Variants in KCNMA1 observed in about 807,000 individuals in gnomAD.
KCNMA1 encodes potassium calcium-activated channel subfamily M alpha 1.
In KCNMA1, 29 loss-of-function variants were observed where a neutral mutation model predicts 140.0. That is an observed-to-expected ratio of 0.21 (90% CI 0.15 to 0.28). The LOEUF (loss-of-function observed/expected upper bound fraction) is 0.28. Among genes scored for constraint, KCNMA1 ranks in the 10% least tolerant of loss-of-function variants. The pLI, the probability that KCNMA1 is intolerant of heterozygous loss-of-function variation, is 1.00. For synonymous variants in KCNMA1, 612 were observed against 611.9 expected, an observed-to-expected ratio of 1.00 and a Z score of 0.00; for missense variants, 880 against 1,602.2, an observed-to-expected ratio of 0.55 and a Z score of 7.70.
intron 1 of KCNMA1, among the ~76,000 whole-genome samples, chr10:77,516,190 AC>A (rs994881431): frequency 7.1e-5 from 10 of 140,920 alleles, no homozygotes; most frequent in Non-Finnish European, 1.5e-4. Context: ...CCCACAGCCC[AC>A]CCCCCTACTC....
intron 20 of KCNMA1, among the ~76,000 whole-genome samples, chr10:76,968,046 G>C (rs960335878): frequency 6.6e-6 from 1 of 151,974 alleles, no homozygotes; most frequent in Non-Finnish European, 1.5e-5. Flanking sequence ...AACCATACTT[G>C]ATACGATATA....
chr10:77,325,036 T>G (rs2083657201), intron 2 of KCNMA1, among the ~76,000 whole-genome samples: 1 of 151,050 alleles, frequency 6.6e-6, no homozygotes, highest in South Asian at 2.1e-4. Flanking sequence ...TGAGATTGAT[T>G]TTTTATTTTG....
chr10:76,907,321 C>T (rs1371845207), intron 25 of KCNMA1, among the ~76,000 whole-genome samples: 1 of 152,184 alleles, frequency 6.6e-6, no homozygotes, highest in Non-Finnish European at 1.5e-5. Flanking sequence ...TTTCCAAGAA[C>T]TGACTACCTA....
intron 1 of KCNMA1, among the ~76,000 whole-genome samples, chr10:77,471,362 AAC>A (rs1196205202): frequency 6.6e-6 from 1 of 151,456 alleles, no homozygotes; most frequent in African/African-American, 2.4e-5. Context: ...CATGTAACAC[AAC>A]ACACACTACT....
intron 3 of KCNMA1, among the ~76,000 whole-genome samples, chr10:77,221,744 C>CA (rs2049755342): frequency 6.6e-6 from 1 of 152,106 alleles, no homozygotes; most frequent in Non-Finnish European, 1.5e-5. Flanking sequence ...CCTGCCCACC[C>CA]AAGAGGTCCA....
At chr10:77,439,874 C>T (rs962549790) in intron 1 of KCNMA1, among the ~76,000 whole-genome samples, 3 of 152,206 alleles carry the variant, frequency 2.0e-5, no homozygotes, top group Non-Finnish European at 2.9e-5. Flanking sequence ...AATGGTCCTC[C>T]TGGAGTCCTG....
chr10:77,414,074 A>G (rs2096680416), intron 1 of KCNMA1, among the ~76,000 whole-genome samples: 1 of 152,180 alleles, frequency 6.6e-6, no homozygotes, highest in Admixed American at 6.5e-5. Context: ...CATGGTAGAA[A>G]AAGGCCAGGT....
At chr10:77,617,953 C>G (rs1047216027) in intron 1 of KCNMA1, among the ~76,000 whole-genome samples, 1 of 152,136 alleles carries the variant, frequency 6.6e-6, no homozygotes, top group African/African-American at 2.4e-5. Flanking sequence ...GGGTGCAGTG[C>G]TACATTTCCC....
At chr10:77,303,298 C>T (rs1243200535) in intron 2 of KCNMA1, among the ~76,000 whole-genome samples, 1 of 151,996 alleles carries the variant, frequency 6.6e-6, no homozygotes, top group East Asian at 1.9e-4. Context: ...TCTTGTTCTT[C>T]TCTCCTCTCC....
At chr10:76,891,004 T>C (rs2039801311) in intron 26 of KCNMA1, among the ~76,000 whole-genome samples, 1 of 152,220 alleles carries the variant, frequency 6.6e-6, no homozygotes. Context: ...CTGGGTCCTA[T>C]TCACATATAA....
intron 5 of KCNMA1, among the ~76,000 whole-genome samples, chr10:77,142,214 A>G (rs2098190700): frequency 6.6e-6 from 1 of 151,654 alleles, no homozygotes; most frequent in Admixed American, 6.6e-5. Flanking sequence ...AAAAAATACA[A>G]AAAAAAATTA....
chr10:77,447,609 C>A (rs921319051), intron 1 of KCNMA1, among the ~76,000 whole-genome samples: 12 of 152,224 alleles, frequency 7.9e-5, no homozygotes, highest in Non-Finnish European at 1.6e-4. Context: ...ATCACAAGAG[C>A]ATGGCTTCCT....
chr10:77,452,099 A>C (rs113344229), intron 1 of KCNMA1, among the ~76,000 whole-genome samples: 589 of 152,292 alleles, frequency 3.9e-3, no homozygotes, highest in Admixed American at 7.2e-3. Context: ...AACAAAATTC[A>C]ACAAGACCCT....
chr10:76,911,739 T>C (rs1243100531), intron 24 of KCNMA1: 2 of 152,254 alleles, frequency 1.3e-5, no homozygotes, highest in African/African-American at 2.4e-5. Context: ...AAGGTCTTGC[T>C]CAGGGGTCTT....
chr10:77,307,896 A>G (rs1442391050), intron 2 of KCNMA1, among the ~76,000 whole-genome samples: 1 of 152,214 alleles, frequency 6.6e-6, no homozygotes, highest in African/African-American at 2.4e-5. Flanking sequence ...ATGGGCTATC[A>G]GGATGTAACA....
rs948518139 is a variant in KCNMA1, at chr10:76,967,823, C to T, written c.2360+2151G>A. The stretch of plus-strand genomic sequence containing the variant: ...AAGTTTCCACTCACCACCTGACCCA[C>T]GTTTAGCAATTTTGATGTACCATGA... On this transcript the variant is annotated intron_variant, in intron 20 of 27. Coordinates refer to ENST00000286628, the MANE Select transcript of KCNMA1 (RefSeq NM_001161352.2). Among the ~76,000 whole-genome samples the T allele has an allele frequency of 9.9e-5, 15 of 152,282 alleles. No homozygotes were observed. The East Asian group carries it at 2.5e-3, about 25-fold the overall frequency.
At chr10:77,240,800 C>T (rs933176979) in intron 3 of KCNMA1, among the ~76,000 whole-genome samples, 7 of 152,340 alleles carry the variant, frequency 4.6e-5, no homozygotes, top group African/African-American at 1.7e-4. Flanking sequence ...ATCCGCCTCA[C>T]TCATTTCCAA....
At chr10:77,490,752 T>C (rs1286296282) in intron 1 of KCNMA1, among the ~76,000 whole-genome samples, 3 of 152,040 alleles carry the variant, frequency 2.0e-5, no homozygotes, top group African/African-American at 4.8e-5. Flanking sequence ...CTCACAGGAG[T>C]AGGGAAATTC....
intron 1 of KCNMA1, among the ~76,000 whole-genome samples, chr10:77,469,668 T>C (rs2098111301): frequency 6.6e-6 from 1 of 152,190 alleles, no homozygotes; most frequent in South Asian, 2.1e-4. Flanking sequence ...CCCAGCTCTC[T>C]GCTGCCTCAG....
Sources: allele counts gnomAD v4.1 joint callset (sites outside exome capture counted in the v4.1 genomes callset), GRCh38; gene constraint gnomAD v4.1.1; transcripts MANE v1.5; gene names NCBI Gene and HGNC (gene_info 2026-07-23, HGNC 2026-07-21).